Variants in SYNE2 observed in about 807,000 individuals in gnomAD.
SYNE2 encodes the protein spectrin repeat containing nuclear envelope protein 2.
In SYNE2, 431 loss-of-function variants were observed where a neutral mutation model predicts 856.3. That is an observed-to-expected ratio of 0.50 (90% confidence interval 0.47 to 0.55). The LOEUF (loss-of-function observed/expected upper bound fraction) is 0.55. Ranked by LOEUF, SYNE2 falls within the 20% of genes least tolerant of loss-of-function variation. SYNE2 has a pLI of 0.00. For missense variants in SYNE2, 8,129 were observed against 8,023.2 expected, an observed-to-expected ratio of 1.01 and a Z score of -0.50; for synonymous variants, 2,923 against 2,872.3, an observed-to-expected ratio of 1.02 and a Z score of -0.56.
At chr14:64,056,890 T>G (rs1437514100) in intron 49 of SYNE2, among the ~76,000 whole-genome samples, 2 of 152,166 alleles carry the variant, frequency 1.3e-5, no homozygotes, top group East Asian at 3.8e-4. Flanking sequence ...CAGGCTGGTC[T>G]TGAACTCCCT....
Position 64,064,542 on chromosome 14 carries a change from ATTTTTTTTT to A in SYNE2, c.10213-873_10213-865del, listed in dbSNP as rs369447974. On this transcript the variant is annotated intron_variant, in intron 50 of 115. Coordinates refer to ENST00000555002, the MANE Select transcript of SYNE2 (RefSeq NM_182914.3). ...ATAATGAGGGCTGTTGTACTTTTAGATTTTTTTTTTTTTTTTTTTTTTTTTAAATAAGAC... is the reference window on the plus strand; with the variant it reads ...ATAATGAGGGCTGTTGTACTTTTAGATTTTTTTTTTTTTTTTAAATAAGAC... 1.1e-4 allele frequency among the ~76,000 whole-genome samples: 11 copies of A among 103,618 alleles called. 1 individual carries two copies. The South Asian group carries it at 1.1e-3, about 10-fold the overall frequency. The allele number at this position is 103,618 out of a possible 152,430, so 68.0% of individuals were successfully genotyped here.
intron 45 of SYNE2, among the ~76,000 whole-genome samples, chr14:64,043,308 G>A (rs924719201): frequency 5.9e-5 from 9 of 152,162 alleles, no homozygotes; most frequent in Admixed American, 5.2e-4. Context: ...ATAAAAGTTA[G>A]GAAATGTTTC....
chr14:64,198,237 G>A (rs892443106), intron 99 of SYNE2, among the ~76,000 whole-genome samples: 6 of 152,210 alleles, frequency 3.9e-5, no homozygotes, highest in African/African-American at 1.4e-4. Context: ...TTGATGTCAG[G>A]CAGTGTTGTG....
At chr14:63,804,449 C>T (rs1566576840) in intron 1 of SYNE2, among the ~76,000 whole-genome samples, 1 of 152,052 alleles carries the variant, frequency 6.6e-6, no homozygotes, top group Non-Finnish European at 1.5e-5. Context: ...GACCTATATC[C>T]AGAATGGTAT....
At chr14:64,202,198 T>C (rs376579899) in intron 99 of SYNE2, 33 of 702,220 alleles carry the variant, frequency 4.7e-5, no homozygotes, top group East Asian at 2.7e-4. Flanking sequence ...CGGACAGAGA[T>C]GCCCCATAAT....
intron 99 of SYNE2, among the ~76,000 whole-genome samples, chr14:64,193,901 T>A (rs183601828): frequency 6.6e-6 from 1 of 152,336 alleles, no homozygotes; most frequent in Admixed American, 6.5e-5. Flanking sequence ...AGAGGGAAAC[T>A]GCAGCTCAGA....
chr14:64,082,452 A>G (rs956968008), intron 57 of SYNE2, among the ~76,000 whole-genome samples: 4 of 152,196 alleles, frequency 2.6e-5, no homozygotes, highest in African/African-American at 9.6e-5. Flanking sequence ...CTCAGCCTGC[A>G]GCAGAGTGCA....
At chr14:64,001,363 A>T (rs2096753484) in intron 28 of SYNE2, among the ~76,000 whole-genome samples, 1 of 152,226 alleles carries the variant, frequency 6.6e-6, no homozygotes. Context: ...ACAATTTTCC[A>T]TTCAGTGTGG....
intron 77 of SYNE2, among the ~76,000 whole-genome samples, chr14:64,132,871 A>G (rs2098037077): frequency 6.6e-6 from 1 of 152,166 alleles, no homozygotes; most frequent in African/African-American, 2.4e-5. Context: ...CATTCCCCTC[A>G]CACCTTTCAT....
At chr14:64,126,306 T>C (rs1336668872) in intron 71 of SYNE2, 21 bp from the exon 72 acceptor site, 1 of 1,608,828 alleles carries the variant, frequency 6.2e-7, no homozygotes, top group Non-Finnish European at 8.5e-7. Flanking sequence ...ATTTTCTTTT[T>C]CTTTTTTCCT....
chr14:63,768,110 G>A (rs1886755775), intron 1 of SYNE2, among the ~76,000 whole-genome samples: 2 of 151,862 alleles, frequency 1.3e-5, no homozygotes, highest in Admixed American at 6.6e-5. Flanking sequence ...GGGATCGCTT[G>A]AGCCTAGGAG....
intron 78 of SYNE2, among the ~76,000 whole-genome samples, chr14:64,136,934 A>T (rs12185002): frequency 0.033 from 5,025 of 152,276 alleles, 128 homozygotes; most frequent in Middle Eastern, 0.088. Context: ...AAGGAGAGGG[A>T]GTAGGCTCTC....
At chr14:64,155,599 C>T (rs184032676) in intron 85 of SYNE2, among the ~76,000 whole-genome samples, 14 of 150,690 alleles carry the variant, frequency 9.3e-5, no homozygotes, top group African/African-American at 3.2e-4. Context: ...ACGCAGAAGG[C>T]GTGAGGCACA....
intron 2 of SYNE2, among the ~76,000 whole-genome samples, chr14:63,919,720 TATGGTAA>T (rs2095574177): frequency 1.3e-5 from 2 of 152,070 alleles, no homozygotes; most frequent in South Asian, 4.1e-4. Context: ...AGGAAGGTGG[TATGGTAA>T]AGCATAATAA....
Position 64,129,045 on chromosome 14 carries a change from C to T in SYNE2, c.14019+492C>T, listed in dbSNP as rs35852840. Among the ~76,000 whole-genome samples, 4 of 152,198 alleles carry T rather than the reference C, an allele frequency of 2.6e-5. No homozygotes were observed. The East Asian group carries it at 7.7e-4, about 29-fold the overall frequency. ...ATATTTTGGCCAGGTTGGTGGCTCACGCCTGTAATCCCAGCACCTTGGGAG... is the reference window on the plus strand; with the variant it reads ...ATATTTTGGCCAGGTTGGTGGCTCATGCCTGTAATCCCAGCACCTTGGGAG... On this transcript the variant is annotated intron_variant, in intron 74 of 115. Coordinates refer to ENST00000555002, the MANE Select transcript of SYNE2 (RefSeq NM_182914.3).
intron 10 of SYNE2, among the ~76,000 whole-genome samples, chr14:63,965,875 A>C (rs1472941263): frequency 6.6e-6 from 1 of 152,168 alleles, no homozygotes; most frequent in African/African-American, 2.4e-5. Context: ...TTCTCGACAA[A>C]GTGCTCATCA....
At chr14:64,083,287 A>T (rs2097537444) in intron 57 of SYNE2, among the ~76,000 whole-genome samples, 1 of 151,294 alleles carries the variant, frequency 6.6e-6, no homozygotes, top group Non-Finnish European at 1.5e-5. Flanking sequence ...CACATCCCCA[A>T]AGTTTGTCAT....
intron 21 of SYNE2, among the ~76,000 whole-genome samples, chr14:63,993,243 A>G (rs951928079): frequency 5.3e-5 from 8 of 152,194 alleles, no homozygotes; most frequent in Non-Finnish European, 1.2e-4. Flanking sequence ...TGTCTTGGCC[A>G]GGCATGTGGC....
Position 64,216,035 on chromosome 14 carries a change from G to A in SYNE2, c.19403-213G>A, listed in dbSNP as rs574243237. The A allele has an allele frequency of 1.7e-4, 250 of 1,466,108 alleles. No homozygotes were observed. In the South Asian group the frequency reaches 2.3e-3, roughly 14 times the overall value. 90.8% of individuals were successfully genotyped at this position (1,466,108 alleles called of 1,614,324 possible). A position where few individuals can be genotyped will look rare whatever the true frequency, so the allele number is the denominator to read the frequency against. On this transcript the variant is annotated intron_variant, in intron 107 of 115. Coordinates refer to ENST00000555002, the MANE Select transcript of SYNE2 (RefSeq NM_182914.3). Reference sequence around the variant, plus strand: ...CATCCCACAGCAAATCATGTTGGTCGTGCTCCGTTGTGTACCCATCTAGTG... The same window carrying A: ...CATCCCACAGCAAATCATGTTGGTCATGCTCCGTTGTGTACCCATCTAGTG...
Sources: allele counts gnomAD v4.1 joint callset (sites outside exome capture counted in the v4.1 genomes callset), GRCh38; gene constraint gnomAD v4.1.1; transcripts MANE v1.5; gene names NCBI Gene and HGNC (gene_info 2026-07-23, HGNC 2026-07-21).